The following LUZP2 variants were observed in gnomAD, a reference collection of about 807,000 sequenced individuals.
The protein encoded by LUZP2 is leucine zipper protein 2.
Under a neutral mutation model 51.6 loss-of-function variants are expected in LUZP2, and 52 were observed. That is an observed-to-expected ratio of 1.01 (90% confidence interval 0.81 to 1.27). LUZP2 has a LOEUF of 1.27. Ranked by LOEUF, LUZP2 falls within the 50% of genes most tolerant of loss-of-function variation. The pLI is 0.00. For synonymous variants in LUZP2, 154 were observed against 137.3 expected (o/e 1.12, Z -0.85); for missense variants, 436 against 395.4 (o/e 1.10, Z -0.87).
At chr11:24,538,558 T>C (rs1413829543) in intron 1 of LUZP2, among the ~76,000 whole-genome samples, 1 of 151,632 alleles carries the variant, frequency 6.6e-6, no homozygotes, top group Non-Finnish European at 1.5e-5. Context: ...TTAATAAAGT[T>C]GTTAGGTAGG....
intron 1 of LUZP2, among the ~76,000 whole-genome samples, chr11:24,712,008 A>C (rs1413990662): frequency 2.0e-5 from 3 of 152,178 alleles, no homozygotes. Flanking sequence ...GTATTATTTA[A>C]CCTTAGTATA....
At chr11:24,538,532 G>T (rs1379916255) in intron 1 of LUZP2, among the ~76,000 whole-genome samples, 1 of 151,294 alleles carries the variant, frequency 6.6e-6, no homozygotes, top group East Asian at 1.9e-4. Context: ...TTACTTTTTG[G>T]TATGTATATT....
chr11:24,983,697 T>G (rs1453837239), intron 9 of LUZP2, among the ~76,000 whole-genome samples: 5 of 151,578 alleles, frequency 3.3e-5, no homozygotes, highest in Non-Finnish European at 7.4e-5. Flanking sequence ...TCCACAACTC[T>G]CAACACTGGC....
At chr11:24,791,287 C>A (rs747449473) in intron 5 of LUZP2, among the ~76,000 whole-genome samples, 15 of 152,094 alleles carry the variant, frequency 9.9e-5, no homozygotes, top group African/African-American at 3.1e-4. Context: ...GTTGAATGAG[C>A]AAATCTTATT....
At chr11:24,833,710 G>A (rs200930539) in intron 5 of LUZP2, among the ~76,000 whole-genome samples, 107,260 of 141,136 alleles carry the variant, frequency 0.76, 38,784 homozygotes, top group East Asian at 0.81. Flanking sequence ...CACCGCGCGC[G>A]CGCACACACA....
chr11:24,529,307 A>G (rs961857794), intron 1 of LUZP2, among the ~76,000 whole-genome samples: 1 of 151,068 alleles, frequency 6.6e-6, no homozygotes, highest in African/African-American at 2.4e-5. Flanking sequence ...ATCCATGTAT[A>G]TATTGTCTTC....
chr11:24,526,842 G>C lies in LUZP2; in HGVS notation c.62+29537G>C, dbSNP rs80231662. Among the ~76,000 whole-genome samples, 879 of 151,256 alleles carry C rather than the reference G, an allele frequency of 5.8e-3. 10 individuals carry two copies. The highest frequency in any genetic ancestry group is 0.02 in the African/African-American group (831 of 41,422). On this transcript the variant is annotated intron_variant, in intron 1 of 11. Coordinates refer to ENST00000336930, the MANE Select transcript of LUZP2 (RefSeq NM_001009909.4). ...GTTGGACTAGTCTAGAGTTTACTCT[G>C]TCCCATTGTTCTCAGCACAAAGCAG... is the stretch of plus-strand genomic sequence containing the variant.
chr11:24,695,083 A>T (rs112350326), intron 1 of LUZP2, among the ~76,000 whole-genome samples: 1 of 152,030 alleles, frequency 6.6e-6, no homozygotes, highest in South Asian at 2.1e-4. Context: ...TCCCAAAATT[A>T]AAAAAAGAAG....
intron 5 of LUZP2, among the ~76,000 whole-genome samples, chr11:24,869,413 A>T (rs1041358872): frequency 2.0e-5 from 3 of 152,076 alleles, no homozygotes; most frequent in African/African-American, 7.2e-5. Flanking sequence ...CCTGTGTCAC[A>T]TTCTGGGAAT....
At chr11:24,864,894 C>T (rs192678938) in intron 5 of LUZP2, among the ~76,000 whole-genome samples, 1 of 152,310 alleles carries the variant, frequency 6.6e-6, no homozygotes, top group Non-Finnish European at 1.5e-5. Context: ...CAAATATTTA[C>T]TCTCCTTTAT....
intron 2 of LUZP2, among the ~76,000 whole-genome samples, chr11:24,729,539 A>G (rs996470044): frequency 1.3e-5 from 2 of 151,960 alleles, no homozygotes; most frequent in Non-Finnish European, 2.9e-5. Flanking sequence ...TTCTAAGATC[A>G]GTTTGACCCC....
rs374345774 is a variant in LUZP2 at position 24,797,442 on chromosome 11, G to T, written c.396+34134G>T. 2.6e-5 allele frequency among the ~76,000 whole-genome samples: 4 copies of T among 152,216 alleles called. No individual in the cohort carries two copies. In the South Asian group the frequency reaches 6.2e-4, roughly 24 times the overall value. On this transcript the variant is annotated intron_variant, in intron 5 of 11. Coordinates refer to ENST00000336930, the MANE Select transcript of LUZP2 (RefSeq NM_001009909.4). ...ATGTCAATAATCTCCTTTTATCCTA[G>T]AAACAATTTTGCAAGGGACATAATT...
intron 1 of LUZP2, among the ~76,000 whole-genome samples, chr11:24,673,277 C>G (rs921704484): frequency 2.6e-5 from 4 of 152,082 alleles, no homozygotes; most frequent in African/African-American, 9.7e-5. Flanking sequence ...TGTCATATAT[C>G]TGGTTATATC....
chr11:24,927,086 T>TAAA (rs1854301664), intron 7 of LUZP2, among the ~76,000 whole-genome samples: 1 of 151,836 alleles, frequency 6.6e-6, no homozygotes, highest in Non-Finnish European at 1.5e-5. Flanking sequence ...AGCCAAATTT[T>TAAA]GATGGGATCT....
intron 1 of LUZP2, among the ~76,000 whole-genome samples, chr11:24,684,272 T>C (rs1856831909): frequency 6.6e-6 from 1 of 152,132 alleles, no homozygotes; most frequent in African/African-American, 2.4e-5. Flanking sequence ...TAATTGCCCA[T>C]AGGAAAAAAA....
intron 1 of LUZP2, among the ~76,000 whole-genome samples, chr11:24,669,713 C>T (rs190981743): frequency 2.2e-4 from 33 of 152,130 alleles, no homozygotes; most frequent in African/African-American, 7.5e-4. Flanking sequence ...AGGATGTTCA[C>T]GTGCGGTATT....
At chr11:24,914,854 A>C (rs1853746340) in intron 7 of LUZP2, among the ~76,000 whole-genome samples, 1 of 152,188 alleles carries the variant, frequency 6.6e-6, no homozygotes, top group Non-Finnish European at 1.5e-5. Context: ...AGATCATACA[A>C]GGACTTTTGA....
At chr11:24,707,751 G>T (rs1256869034) in intron 1 of LUZP2, among the ~76,000 whole-genome samples, 1 of 152,090 alleles carries the variant, frequency 6.6e-6, no homozygotes, top group Non-Finnish European at 1.5e-5. Context: ...ATTGGTAAGG[G>T]TTGTTATATA....
intron 5 of LUZP2, among the ~76,000 whole-genome samples, chr11:24,872,155 A>G (rs16913446): frequency 0.047 from 7,098 of 152,070 alleles, 524 homozygotes; most frequent in African/African-American, 0.16. Flanking sequence ...ATCTCTCTAC[A>G]TTGGGCTATC....
Sources: gnomAD v4.1 joint callset for allele counts (sites outside exome capture counted in the v4.1 genomes callset) on GRCh38, gnomAD v4.1.1 for gene constraint, MANE v1.5 for transcripts, NCBI Gene and HGNC (gene_info 2026-07-23, HGNC 2026-07-21) for gene names.